The following LAGE3 variants were observed in gnomAD, a reference collection of about 807,000 sequenced individuals.
LAGE3 encodes L antigen family member 3, also known as EKC/KEOPS complex subunit LAGE3.
A neutral mutation model predicts 4.4 loss-of-function variants in LAGE3; 2 were observed. The ratio of observed to expected loss-of-function variants is 0.46; its 90% CI spans 0.19 to 1.44. The LOEUF is 1.44. Among genes scored for constraint, LAGE3 ranks in the 40% most tolerant of loss-of-function variants. The pLI is 0.26. For missense variants in LAGE3, 152 were observed against 138.1 expected (o/e 1.10, Z -0.51); for synonymous variants, 79 against 60.0 (o/e 1.32, Z -1.47).
In LAGE3 at chrX:154,477,970, G is replaced by C. The variant is rs782066250; in HGVS notation, c.406C>G (p.Arg136Gly). The C allele has an allele frequency of 8.3e-7, 1 of 1,211,763 alleles. No individual in the cohort carries two copies. Among genetic ancestry groups the C allele is most frequent in the Non-Finnish European group, 1.1e-6 (1 of 895,112 alleles). The change falls in exon 3 of 3, where the codon CGC (arginine) becomes GGC (glycine). Residue 136 changes from arginine (R) to glycine (G), a missense_variant. Coordinates refer to ENST00000357360, the MANE Select transcript of LAGE3 (RefSeq NM_006014.5). ...TAGCGGGAAACGGGGGGCCCAAAGCGCTGCATGGTCCGCACCACCAGGGAA... is the reference window on the plus strand; with the variant it reads ...TAGCGGGAAACGGGGGGCCCAAAGCCCTGCATGGTCCGCACCACCAGGGAA... ...QLSLVVRTMQ[R>G]FGPPVSR
In LAGE3 at chrX:154,479,111, T is replaced by C. The variant is rs2069258597; in HGVS notation, c.-196A>G. ...CTGCCGGGGGCCTTCTGAGACCCGG[T>C]CAGCGGTTGAGAGGCTGCGGTTTCC... On this transcript the variant is annotated 5_prime_UTR_variant, in exon 1 of 3. Coordinates refer to ENST00000357360, the MANE Select transcript of LAGE3 (RefSeq NM_006014.5). 6.8e-6 allele frequency: 2 copies of C among 293,806 alleles called. No homozygotes were observed. The highest frequency in any genetic ancestry group is 1.2e-4 in the Admixed American group (2 of 16,388). 24.2% of individuals were successfully genotyped at this position (293,806 alleles called of 1,213,427 possible).
Position 154,477,969 on chromosome X carries a change from C to T in LAGE3, c.407G>A (p.Arg136His), listed in dbSNP as rs781918588. The T allele has an allele frequency of 1.1e-5, 13 of 1,210,660 alleles. No homozygotes were observed. The African/African-American group carries it at 1.4e-4, about 13-fold the overall frequency. The change falls in exon 3 of 3, where the codon CGC becomes CAC. Residue 136 changes from arginine (R) to histidine (H), a missense_variant. By Grantham distance (29) the Arg-to-His change is conservative (BLOSUM62 0). Transcript: ENST00000357360. ...QLSLVVRTMQ[R>H]FGPPVSR ...TTAGCGGGAAACGGGGGGCCCAAAG[C>T]GCTGCATGGTCCGCACCACCAGGGA...
rs1449772832 is a variant in LAGE3 at position 154,479,090 on chromosome X, CGGGG to C, written c.-179_-176del. 2.1e-4 allele frequency: 61 copies of C among 296,899 alleles called. No homozygotes were observed. In the East Asian group the frequency reaches 2.9e-3, roughly 14 times the overall value. 24.5% of individuals were successfully genotyped at this position (296,899 alleles called of 1,213,427 possible). ...GTCAGTTCCCGCCAAGCGGCCCTGC[CGGGG>C]GCCTTCTGAGACCCGGTCAGCGGTT... On this transcript the variant is annotated 5_prime_UTR_variant, in exon 1 of 3. Coordinates refer to ENST00000357360, the MANE Select transcript of LAGE3 (RefSeq NM_006014.5).
At position 154,479,126 on chromosome X, in the gene LAGE3, C is replaced by T. The variant is rs1166905071; in HGVS notation, c.-211G>A. 2 of 292,101 alleles carry T rather than the reference C, an allele frequency of 6.8e-6. No homozygotes were observed. The highest frequency in any genetic ancestry group is 1.2e-5 in the Non-Finnish European group (2 of 166,605). The allele number at this position is 292,101 out of a possible 1,213,427, so 24.1% of individuals were successfully genotyped here. On this transcript the variant is annotated 5_prime_UTR_variant, in exon 1 of 3. Transcript: ENST00000357360. Reference sequence around the variant, plus strand: ...TGAGACCCGGTCAGCGGTTGAGAGGCTGCGGTTTCCTCCAGAAACTCTGCC... The same window carrying T: ...TGAGACCCGGTCAGCGGTTGAGAGGTTGCGGTTTCCTCCAGAAACTCTGCC...
chrX:154,477,989 C>A lies in LAGE3; in HGVS notation c.387G>T (p.Leu129=), dbSNP rs1192539024. ...SVINFLDQLS[L]VVRTMQRFGP... ...CAAAGCGCTGCATGGTCCGCACCAC[C>A]AGGGAAAGCTGGTCAAGAAAGTTGA... Residue 129 remains leucine, a synonymous_variant, in exon 3 of 3, where the codon CTG becomes CTT. Coordinates refer to ENST00000357360, the MANE Select transcript of LAGE3 (RefSeq NM_006014.5). 1 of 1,211,071 alleles carries A rather than the reference C, an allele frequency of 8.3e-7. No individual in the cohort carries two copies. Among genetic ancestry groups the A allele is most frequent in the African/African-American group, 1.7e-5 (1 of 57,491 alleles).
At position 154,479,080 on chromosome X, in the gene LAGE3, G is replaced by T; in HGVS notation, c.-165C>A. The T allele has an allele frequency of 6.6e-6, 2 of 302,065 alleles. No individual in the cohort carries two copies. The highest frequency in any genetic ancestry group is 1.1e-5 in the Non-Finnish European group (2 of 174,647). The allele number at this position is 302,065 out of a possible 1,213,427, so 24.9% of individuals were successfully genotyped here. ...CTGGCGCGTGGTCAGTTCCCGCCAA[G>T]CGGCCCTGCCGGGGGCCTTCTGAGA... On this transcript the variant is annotated 5_prime_UTR_variant, in exon 1 of 3. Coordinates refer to ENST00000357360, the MANE Select transcript of LAGE3 (RefSeq NM_006014.5).
At position 154,478,946 on chromosome X, in the gene LAGE3, C is replaced by A. The variant is rs782021588; in HGVS notation, c.-31G>T. The A allele has an allele frequency of 1.4e-4, 113 of 793,873 alleles. No individual in the cohort carries two copies. Among genetic ancestry groups the A allele is most frequent in the Admixed American group, 8.7e-4 (15 of 17,220 alleles). 65.4% of individuals were successfully genotyped at this position (793,873 alleles called of 1,213,427 possible). ...CCGCCGCGCCGCTCCGACTCCACCC[C>A]CGAAGCGCAGGTCCTACGCCCCGCC... On this transcript the variant is annotated 5_prime_UTR_variant, in exon 1 of 3. Coordinates refer to ENST00000357360, the MANE Select transcript of LAGE3 (RefSeq NM_006014.5).
chrX:154,477,961 G>A lies in LAGE3; in HGVS notation c.415C>T (p.Pro139Ser), dbSNP rs185059986. 2.5e-6 allele frequency: 3 copies of A among 1,209,939 alleles called. No individual in the cohort carries two copies. Among genetic ancestry groups the A allele is most frequent in the East Asian group, 5.9e-5 (2 of 33,802 alleles). ...GGCCAGGCTTAGCGGGAAACGGGGGGCCCAAAGCGCTGCATGGTCCGCACC... is the reference window on the plus strand; with the variant it reads ...GGCCAGGCTTAGCGGGAAACGGGGGACCCAAAGCGCTGCATGGTCCGCACC... ...LVVRTMQRFG[P>S]PVSR The change falls in exon 3 of 3, where the codon CCC becomes TCC. Residue 139 changes from proline (P) to serine (S), a missense_variant. Pro to Ser is a moderately conservative substitution (Grantham distance 74). Transcript: ENST00000357360.
In LAGE3 at chrX:154,478,919, C is replaced by G. The variant is rs2069256469; in HGVS notation, c.-4G>C. Reference sequence around the variant, plus strand: ...CGTCTGCATCCGCGTCCCGCATGACCGCCGCCGCGCCGCTCCGACTCCACC... The same window carrying G: ...CGTCTGCATCCGCGTCCCGCATGACGGCCGCCGCGCCGCTCCGACTCCACC... On this transcript the variant is annotated 5_prime_UTR_variant, in exon 1 of 3. Coordinates refer to ENST00000357360, the MANE Select transcript of LAGE3 (RefSeq NM_006014.5). 14 of 903,808 alleles carry G rather than the reference C, an allele frequency of 1.5e-5. No homozygotes were observed. The highest frequency in any genetic ancestry group is 1.8e-5 in the Non-Finnish European group (13 of 709,334). 74.5% of individuals were successfully genotyped at this position (903,808 alleles called of 1,213,427 possible).
chrX:154,478,276 A>C lies in LAGE3; in HGVS notation c.317+7T>G. 3 of 1,209,888 alleles carry C rather than the reference A, an allele frequency of 2.5e-6. No homozygotes were observed. The highest frequency in any genetic ancestry group is 3.4e-6 in the Non-Finnish European group (3 of 894,946). ...CCTCCCCCAACCCCGTCCCTTTCAG[A>C]ACTTACACGACCAGGATCCTGCCAC... On this transcript the variant is annotated splice_region_variant and intron_variant, in intron 2 of 2. Transcript: ENST00000357360.
chrX:154,478,593 C>T (rs2069252771), intron 1 of LAGE3, 135 bp downstream of exon 1: 1 of 958,308 alleles, frequency 1.0e-6, no homozygotes, highest in African/African-American at 2.0e-5. Context: ...CCTCCTCCGA[C>T]CACCTCTGAC....
Position 154,478,873 on chromosome X carries a change from C to G in LAGE3, c.43G>C (p.Gly15Arg). The G allele has an allele frequency of 9.9e-7, 1 of 1,009,939 alleles. No homozygotes were observed. Among genetic ancestry groups the G allele is most frequent in the Admixed American group, 5.5e-5 (1 of 18,295 alleles). 83.2% of individuals were successfully genotyped at this position (1,009,939 alleles called of 1,213,427 possible). ...DADAGGGADGGDGRGGHSCRG... is the reference protein window; with the variant it reads ...DADAGGGADGRDGRGGHSCRG... ...CAGCTGTGGCCACCCCGGCCATCCCCGCCGTCAGCGCCTCCGCCTGCGTCT... is the reference window on the plus strand; with the variant it reads ...CAGCTGTGGCCACCCCGGCCATCCCGGCCGTCAGCGCCTCCGCCTGCGTCT... Residue 15 changes from glycine to arginine, a missense_variant, in exon 1 of 3, where the codon GGG (glycine) becomes CGG (arginine). By Grantham distance (125) the Gly-to-Arg change is moderately radical (BLOSUM62 -2). Coordinates refer to ENST00000357360, the MANE Select transcript of LAGE3 (RefSeq NM_006014.5).
chrX:154,478,821 G>A lies in LAGE3; in HGVS notation c.95C>T (p.Ala32Val), dbSNP rs782309060. 1.8e-6 allele frequency: 2 copies of A among 1,114,581 alleles called. No homozygotes were observed. Among genetic ancestry groups the A allele is most frequent in the Non-Finnish European group, 2.3e-6 (2 of 854,664 alleles). 91.9% of individuals were successfully genotyped at this position (1,114,581 alleles called of 1,213,427 possible). The change falls in exon 1 of 3, where the codon GCT becomes GTT. Residue 32 changes from alanine to valine, a missense_variant. Transcript: ENST00000357360. ...SCRGGVDTAA[A>V]PAGGAPPAHA... The stretch of plus-strand genomic sequence containing the variant: ...CGCTGGGGGAGCTCCACCGGCCGGA[G>A]CTGCGGCTGTGTCCACGCCCCCGCG...
intron 1 of LAGE3, 120 bp from the exon 2 acceptor site, chrX:154,478,531 C>T: frequency 9.9e-7 from 1 of 1,007,378 alleles, no homozygotes; most frequent in Non-Finnish European, 1.3e-6. Context: ...TCACTCCTTA[C>T]CTCGCCCAGG....
chrX:154,478,485 C>T (rs1557211356), intron 1 of LAGE3, 74 bp from the exon 2 acceptor site: 14 of 1,113,352 alleles, frequency 1.3e-5, no homozygotes, highest in Admixed American at 5.9e-5. Context: ...TCCTCTGAAG[C>T]CCCCTCTCAG....
In LAGE3 at chrX:154,477,993, G is replaced by T; in HGVS notation, c.383C>A (p.Ser128Tyr). ...ISVINFLDQL[S>Y]LVVRTMQRFG... ...GCGCTGCATGGTCCGCACCACCAGGGAAAGCTGGTCAAGAAAGTTGATGAC... is the reference window on the plus strand; with the variant it reads ...GCGCTGCATGGTCCGCACCACCAGGTAAAGCTGGTCAAGAAAGTTGATGAC... The change falls in exon 3 of 3, where the codon TCC becomes TAC. Residue 128 changes from serine (S) to tyrosine (Y), a missense_variant. By Grantham distance (144) the Ser-to-Tyr change is moderately radical. Coordinates refer to ENST00000357360, the MANE Select transcript of LAGE3 (RefSeq NM_006014.5). 8.2e-7 allele frequency: 1 copy of T among 1,212,283 alleles called. No homozygotes were observed. The highest frequency in any genetic ancestry group is 1.1e-6 in the Non-Finnish European group (1 of 895,495).
intron 1 of LAGE3, 85 bp downstream of exon 1, chrX:154,478,643 G>T: frequency 1.8e-6 from 1 of 543,507 alleles, no homozygotes; most frequent in Non-Finnish European, 2.4e-6. Flanking sequence ...TACCCTTTCC[G>T]TCGGCCCCCC....
At position 154,477,940 on chromosome X, in the gene LAGE3, A is replaced by C; in HGVS notation, c.*4T>G. The C allele has an allele frequency of 8.3e-7, 1 of 1,207,346 alleles. No homozygotes were observed. The highest frequency in any genetic ancestry group is 1.1e-6 in the Non-Finnish European group (1 of 891,065). On this transcript the variant is annotated 3_prime_UTR_variant, in exon 3 of 3. Coordinates refer to ENST00000357360, the MANE Select transcript of LAGE3 (RefSeq NM_006014.5). ...GGACCTCGCTCCATTTGCCCAGGCC[A>C]GGCTTAGCGGGAAACGGGGGGCCCA...
rs1355256592 is a variant in LAGE3, at chrX:154,478,185, C to T, written c.317+98G>A. ...CATTACACAGCCCCTCAGGCAGAGA[C>T]CGGCCCAGCGCACCTGGCGCTCCTT... On this transcript the variant is annotated intron_variant, in intron 2 of 2. Coordinates refer to ENST00000357360, the MANE Select transcript of LAGE3 (RefSeq NM_006014.5). 3 of 1,142,456 alleles carry T rather than the reference C, an allele frequency of 2.6e-6. No homozygotes were observed. The African/African-American group carries it at 5.4e-5, about 20-fold the overall frequency. 94.2% of individuals were successfully genotyped at this position (1,142,456 alleles called of 1,213,427 possible). A position where few individuals can be genotyped will look rare whatever the true frequency, so the allele number is the denominator to read the frequency against.
Sources: allele counts gnomAD v4.1 joint callset, GRCh38; gene constraint gnomAD v4.1.1; transcripts MANE v1.5; gene names NCBI Gene and HGNC (gene_info 2026-07-23, HGNC 2026-07-21).